Variants in SNTG1 observed in about 807,000 individuals in gnomAD.
SNTG1 encodes syntrophin gamma 1, also known as gamma-1-syntrophin.
SNTG1 carries 39 observed loss-of-function variants against 74.7 expected under a neutral mutation model. The observed-to-expected ratio is 0.52, with a 90% CI of 0.40 to 0.68. SNTG1 has a LOEUF of 0.68. Among genes scored for constraint, SNTG1 ranks in the 30% least tolerant of loss-of-function variants. SNTG1 has a pLI of 0.00. For synonymous variants in SNTG1, 254 were observed against 217.1 expected, an observed-to-expected ratio of 1.17 and a Z score of -1.49; for missense variants, 685 against 609.5, an observed-to-expected ratio of 1.12 and a Z score of -1.30.
intron 13 of SNTG1, among the ~76,000 whole-genome samples, chr8:50,640,806 A>C (rs535399042): frequency 1.3e-5 from 2 of 152,286 alleles, no homozygotes; most frequent in South Asian, 4.1e-4. Context: ...CAGTAATTAC[A>C]ATGTGAACAT....
At chr8:50,217,641 AGGTTCCAT>A (rs58852025) in intron 2 of SNTG1, among the ~76,000 whole-genome samples, 63,892 of 151,716 alleles carry the variant, frequency 0.42, 16,750 homozygotes, top group African/African-American at 0.75. Flanking sequence ...ATTATATTAA[AGGTTCCAT>A]GGTTCCATTA....
intron 13 of SNTG1, among the ~76,000 whole-genome samples, chr8:50,626,796 A>G (rs2094959409): frequency 6.6e-6 from 1 of 152,174 alleles, no homozygotes; most frequent in African/African-American, 2.4e-5. Flanking sequence ...GGAACATGTC[A>G]GTGCAGCAGA....
At chr8:50,218,113 T>A (rs960970679) in intron 2 of SNTG1, among the ~76,000 whole-genome samples, 1 of 152,226 alleles carries the variant, frequency 6.6e-6, no homozygotes, top group Non-Finnish European at 1.5e-5. Context: ...GGCTTTTTCA[T>A]AATAGTTAAA....
intron 2 of SNTG1, among the ~76,000 whole-genome samples, chr8:50,208,537 A>G (rs908084496): frequency 6.6e-6 from 1 of 152,084 alleles, no homozygotes; most frequent in African/African-American, 2.4e-5. Flanking sequence ...GTGTCTTTTA[A>G]TTGGAGCAAC....
intron 6 of SNTG1, 133 bp downstream of exon 6, chr8:50,449,858 G>A (rs1235592796): frequency 8.5e-6 from 6 of 703,122 alleles, no homozygotes; most frequent in Non-Finnish European, 1.3e-5. Context: ...GGCATTAGTG[G>A]CTGAGTCTGC....
chr8:50,093,064 T>C (rs562959697), intron 1 of SNTG1, among the ~76,000 whole-genome samples: 101 of 152,206 alleles, frequency 6.6e-4, no homozygotes, highest in South Asian at 1.2e-3. Context: ...ATGAGAAGCA[T>C]TGATTCTAGT....
chr8:50,073,466 A>T (rs1382401401), intron 1 of SNTG1, among the ~76,000 whole-genome samples: 2 of 152,182 alleles, frequency 1.3e-5, no homozygotes, highest in African/African-American at 4.8e-5. Context: ...CAAAGTCATC[A>T]TGAGGCTTGG....
intron 1 of SNTG1, among the ~76,000 whole-genome samples, chr8:50,135,153 C>A (rs1299816848): frequency 6.6e-6 from 1 of 152,094 alleles, no homozygotes; most frequent in Non-Finnish European, 1.5e-5. Context: ...CCCCTGTCAA[C>A]AAGAAAAGGC....
intron 3 of SNTG1, among the ~76,000 whole-genome samples, chr8:50,401,364 T>C (rs1252186901): frequency 6.6e-6 from 1 of 152,192 alleles, no homozygotes; most frequent in African/African-American, 2.4e-5. Context: ...GTATTCTGGA[T>C]AAATGACAAG....
chr8:49,993,847 T>C (rs1194297866), intron 1 of SNTG1, among the ~76,000 whole-genome samples: 1 of 152,182 alleles, frequency 6.6e-6, no homozygotes, highest in Non-Finnish European at 1.5e-5. Context: ...TGTTATTGTG[T>C]TCTCTGGGAT....
At chr8:50,427,723 A>G (rs2093181214) in intron 4 of SNTG1, among the ~76,000 whole-genome samples, 1 of 152,210 alleles carries the variant, frequency 6.6e-6, no homozygotes, top group African/African-American at 2.4e-5. Flanking sequence ...CACTGCACCC[A>G]GCCTCAAATA....
chr8:50,366,602 C>T (rs1053866111), intron 2 of SNTG1, among the ~76,000 whole-genome samples: 7 of 149,314 alleles, frequency 4.7e-5, no homozygotes, highest in African/African-American at 1.5e-4. Flanking sequence ...TTGATTCTTC[C>T]GTACTGGTTT....
At chr8:50,463,579 G>A (rs893515416) in intron 8 of SNTG1, among the ~76,000 whole-genome samples, 11 of 152,166 alleles carry the variant, frequency 7.2e-5, no homozygotes, top group Non-Finnish European at 1.3e-4. Context: ...TAAGCAGTAC[G>A]TCTCAACAGT....
chr8:50,063,151 G>A (rs1398171662), intron 1 of SNTG1, among the ~76,000 whole-genome samples: 1 of 152,202 alleles, frequency 6.6e-6, no homozygotes, highest in African/African-American at 2.4e-5. Context: ...ATTCAAGTCT[G>A]GAGTTCTTGC....
chr8:50,429,101 A>G (rs950769616), intron 4 of SNTG1, among the ~76,000 whole-genome samples: 29 of 152,186 alleles, frequency 1.9e-4, no homozygotes, highest in African/African-American at 6.5e-4. Context: ...AAATCCCTAT[A>G]AAAAAATCCC....
At chr8:50,572,613 C>T (rs938492792) in intron 12 of SNTG1, among the ~76,000 whole-genome samples, 1 of 151,936 alleles carries the variant, frequency 6.6e-6, no homozygotes, top group Non-Finnish European at 1.5e-5. Context: ...GAGAAATAAC[C>T]AAAGTAAAAG....
At chr8:50,170,757 T>C (rs2131645184) in intron 1 of SNTG1, among the ~76,000 whole-genome samples, 1 of 152,262 alleles carries the variant, frequency 6.6e-6, no homozygotes, top group East Asian at 1.9e-4. Flanking sequence ...CAAGCTTGTG[T>C]AGGTTTGTGG....
At chr8:50,149,983 G>A (rs1389829631) in intron 1 of SNTG1, among the ~76,000 whole-genome samples, 1 of 152,078 alleles carries the variant, frequency 6.6e-6, no homozygotes, top group Non-Finnish European at 1.5e-5. Context: ...ATTACCTTGG[G>A]CAGTATGGCC....
chr8:50,479,956 G>A (rs2093726664), intron 8 of SNTG1, among the ~76,000 whole-genome samples: 1 of 152,026 alleles, frequency 6.6e-6, no homozygotes, highest in Non-Finnish European at 1.5e-5. Flanking sequence ...TAGTTGATTA[G>A]GATAATAAAT....
Sources: gnomAD v4.1 joint callset for allele counts (sites outside exome capture counted in the v4.1 genomes callset) on GRCh38, gnomAD v4.1.1 for gene constraint, MANE v1.5 for transcripts, NCBI Gene and HGNC (gene_info 2026-07-23, HGNC 2026-07-21) for gene names.